The following GULP1 variants were observed in gnomAD, a reference collection of about 807,000 sequenced individuals.
The protein encoded by GULP1 is PTB domain-containing engulfment adapter protein 1.
A neutral mutation model predicts 40.9 loss-of-function variants in GULP1; 19 were observed. The ratio of observed to expected loss-of-function variants is 0.46; its 90% CI spans 0.32 to 0.68. GULP1 has a LOEUF of 0.68. Among genes scored for constraint, GULP1 ranks in the 30% least tolerant of loss-of-function variants. The pLI, the probability that GULP1 is intolerant of heterozygous loss-of-function variation, is 0.03. For missense variants in GULP1, 312 were observed against 362.2 expected (o/e 0.86, Z 1.12); for synonymous variants, 119 against 117.6 (o/e 1.01, Z -0.08).
intron 2 of GULP1, among the ~76,000 whole-genome samples, chr2:188,455,436 G>A (rs1471105981): frequency 1.3e-5 from 2 of 152,124 alleles, no homozygotes; most frequent in Non-Finnish European, 2.9e-5. Context: ...TCTCATGATA[G>A]TGAATGAAAC....
intron 2 of GULP1, among the ~76,000 whole-genome samples, chr2:188,405,276 A>C (rs540147482): frequency 6.6e-6 from 1 of 151,948 alleles, no homozygotes; most frequent in Non-Finnish European, 1.5e-5. Context: ...GCCTGCACCC[A>C]TGATCTCAGC....
At chr2:188,297,728 T>C in intron 1 of GULP1, 1 of 229,258 alleles carries the variant, frequency 4.4e-6, no homozygotes, top group Non-Finnish European at 9.2e-6. Flanking sequence ...TTTGCCTGTT[T>C]ATAGCTGTAT....
At chr2:188,414,266 ATTTG>A (rs2054295095) in intron 2 of GULP1, among the ~76,000 whole-genome samples, 1 of 150,258 alleles carries the variant, frequency 6.7e-6, no homozygotes, top group Admixed American at 6.6e-5. Context: ...TCATTGATTG[ATTTG>A]TATATATTTC....
At chr2:188,495,877 A>G (rs761287018) in intron 4 of GULP1, among the ~76,000 whole-genome samples, 3 of 152,072 alleles carry the variant, frequency 2.0e-5, no homozygotes, top group South Asian at 2.1e-4. Context: ...TCAAACAACT[A>G]TCTTACAGAT....
intron 1 of GULP1, among the ~76,000 whole-genome samples, chr2:188,314,904 T>TA (rs770045555): frequency 8.5e-5 from 13 of 152,120 alleles, no homozygotes; most frequent in Non-Finnish European, 1.8e-4. Context: ...CCCCACCCAT[T>TA]AGTCACTTAG....
chr2:188,454,221 T>C (rs756791701), intron 2 of GULP1, among the ~76,000 whole-genome samples: 1 of 152,048 alleles, frequency 6.6e-6, no homozygotes, highest in Non-Finnish European at 1.5e-5. Context: ...TTTTATTGAG[T>C]GATGGGACTG....
At chr2:188,554,360 G>T (rs1008783425) in intron 7 of GULP1, among the ~76,000 whole-genome samples, 2 of 151,634 alleles carry the variant, frequency 1.3e-5, no homozygotes, top group Non-Finnish European at 3.0e-5. Context: ...TTTGTTTCAA[G>T]AATTTTTTTT....
intron 2 of GULP1, among the ~76,000 whole-genome samples, chr2:188,388,868 T>G (rs1168320060): frequency 2.0e-5 from 3 of 152,226 alleles, no homozygotes; most frequent in Non-Finnish European, 4.4e-5. Context: ...AATAATTATG[T>G]TGGCATGCAG....
intron 4 of GULP1, among the ~76,000 whole-genome samples, chr2:188,495,726 TA>T (rs1220630337): frequency 1.3e-5 from 2 of 151,836 alleles, no homozygotes; most frequent in African/African-American, 4.8e-5. Context: ...GGACATTAAA[TA>T]AAAAAAATCT....
At chr2:188,512,124 T>C (rs930732242) in intron 4 of GULP1, among the ~76,000 whole-genome samples, 3 of 152,310 alleles carry the variant, frequency 2.0e-5, no homozygotes, top group Admixed American at 2.0e-4. Flanking sequence ...ATATAGCTTA[T>C]CTACTAGGTA....
At chr2:188,308,596 G>A (rs552955790) in intron 1 of GULP1, among the ~76,000 whole-genome samples, 1 of 152,228 alleles carries the variant, frequency 6.6e-6, no homozygotes, top group African/African-American at 2.4e-5. Context: ...TGCAAGTTCA[G>A]TAAAAAAGAT....
intron 1 of GULP1, among the ~76,000 whole-genome samples, chr2:188,296,286 G>A (rs13382200): frequency 1.3e-5 from 2 of 151,960 alleles, no homozygotes; most frequent in Non-Finnish European, 2.9e-5. Flanking sequence ...TTGAAATCAG[G>A]CCTTTATTTT....
chr2:188,396,612 G>C (rs1041220624), intron 2 of GULP1, among the ~76,000 whole-genome samples: 2 of 152,192 alleles, frequency 1.3e-5, no homozygotes, highest in Non-Finnish European at 2.9e-5. Context: ...AGCAACCATG[G>C]CTTTCAGGCC....
intron 1 of GULP1, among the ~76,000 whole-genome samples, chr2:188,345,842 G>A (rs2043575434): frequency 2.0e-5 from 3 of 152,124 alleles, no homozygotes; most frequent in South Asian, 2.1e-4. Context: ...TAAAGTGTTC[G>A]TATTCATTCA....
intron 7 of GULP1, among the ~76,000 whole-genome samples, chr2:188,566,343 A>T (rs1697648450): frequency 6.6e-6 from 1 of 152,190 alleles, no homozygotes; most frequent in South Asian, 2.1e-4. Context: ...ATATATGCAG[A>T]ATATTTACTA....
At chr2:188,420,101 A>G (rs531771299) in intron 2 of GULP1, among the ~76,000 whole-genome samples, 1 of 152,084 alleles carries the variant, frequency 6.6e-6, no homozygotes, top group Non-Finnish European at 1.5e-5. Context: ...TTTGTAATTA[A>G]TACATTTTGG....
At chr2:188,391,071 G>A (rs1413908353) in intron 2 of GULP1, among the ~76,000 whole-genome samples, 1 of 151,960 alleles carries the variant, frequency 6.6e-6, no homozygotes, top group East Asian at 1.9e-4. Flanking sequence ...CTTTTGCTTA[G>A]GATTGCTTTG....
chr2:188,551,650 C>A (rs1191254338), intron 7 of GULP1, among the ~76,000 whole-genome samples: 1 of 151,620 alleles, frequency 6.6e-6, no homozygotes, highest in Non-Finnish European at 1.5e-5. Flanking sequence ...GCAGGAATCC[C>A]TTTGATATAT....
At chr2:188,517,518 C>T (rs954807639) in intron 4 of GULP1, among the ~76,000 whole-genome samples, 68 of 151,304 alleles carry the variant, frequency 4.5e-4, no homozygotes, top group Admixed American at 2.0e-3. Context: ...TGTTTTTTTT[C>T]CCCCAGTCTT....
Sources: allele counts gnomAD v4.1 joint callset (sites outside exome capture counted in the v4.1 genomes callset), GRCh38; gene constraint gnomAD v4.1.1; transcripts MANE v1.5; gene names NCBI Gene and HGNC (gene_info 2026-07-23, HGNC 2026-07-21).